The following INTS1 variants were observed in gnomAD, a reference collection of about 807,000 sequenced individuals.
The protein encoded by INTS1 is integrator complex subunit 1.
INTS1 carries 137 observed loss-of-function variants against 241.6 expected under a neutral mutation model. The observed-to-expected ratio is 0.57, with a 90% CI of 0.49 to 0.65. The LOEUF (loss-of-function observed/expected upper bound fraction) is 0.65. Among genes scored for constraint, INTS1 ranks in the 30% least tolerant of loss-of-function variants. The pLI is 0.00. For missense variants in INTS1, 3,073 were observed against 3,032.2 expected (o/e 1.01, Z -0.32); for synonymous variants, 1,692 against 1,337.8 (o/e 1.26, Z -5.78).
chr7:1,503,447 C>T (rs941546222), intron 2 of INTS1, among the ~76,000 whole-genome samples: 1 of 152,176 alleles, frequency 6.6e-6, no homozygotes, highest in Non-Finnish European at 1.5e-5. Context: ...TTAGTAACCC[C>T]CGCCCCGAGT....
rs748162075 is a variant in INTS1 at position 1,481,329 on chromosome 7, C to G, written c.3850+13G>C. 29 of 1,612,580 alleles carry G rather than the reference C, an allele frequency of 1.8e-5. No homozygotes were observed. The highest frequency in any genetic ancestry group is 2.5e-5 in the Non-Finnish European group (29 of 1,179,726). On this transcript the variant is annotated intron_variant, in intron 28 of 47. Transcript: ENST00000404767. This position sits in a 1 kb window ranked among gnomAD's most constrained non-coding sequence, Gnocchi z 6.8. ...CGTGTGTGAACCCACTCCGCAGGTC[C>G]CTGGCATCTTACTCTTGTCCATGAT...
At chr7:1,490,391 G>A (rs1782489893) in intron 16 of INTS1, among the ~76,000 whole-genome samples, 1 of 152,176 alleles carries the variant, frequency 6.6e-6, no homozygotes, top group African/African-American at 2.4e-5. Flanking sequence ...GGACACCCCT[G>A]AAAGGGTGTC....
chr7:1,490,901 C>G (rs1195575000), intron 16 of INTS1, among the ~76,000 whole-genome samples: 1 of 152,208 alleles, frequency 6.6e-6, no homozygotes, highest in Admixed American at 6.5e-5. Context: ...AGAGGTCAAC[C>G]CTCTCACCTA....
Position 1,480,822 on chromosome 7 carries a change from C to A in INTS1, c.3949+13G>T. On this transcript the variant is annotated intron_variant, in intron 29 of 47. Transcript: ENST00000404767. ...GGCTGGGTCTCTGTGCTGGCCCCACCCCTCCCCAGTACCTCGGCGGGGCGG... is the reference window on the plus strand; with the variant it reads ...GGCTGGGTCTCTGTGCTGGCCCCACACCTCCCCAGTACCTCGGCGGGGCGG... 6.5e-7 allele frequency: 1 copy of A among 1,546,436 alleles called. No homozygotes were observed. The highest frequency in any genetic ancestry group is 8.7e-7 in the Non-Finnish European group (1 of 1,144,780).
intron 43 of INTS1, 132 bp downstream of exon 43, chr7:1,472,940 G>T: frequency 1.7e-6 from 1 of 585,778 alleles, no homozygotes; most frequent in Non-Finnish European, 2.9e-6. Context: ...GGGCCAGCCA[G>T]CAAGGTCCCA....
rs769180230 is a variant in INTS1, at chr7:1,493,809, G to A, written c.2013C>T (p.Asp671=). Residue 671 remains aspartate (D), a synonymous_variant, in exon 15 of 48, where the codon GAC becomes GAT. Coordinates refer to ENST00000404767, the MANE Select transcript of INTS1 (RefSeq NM_001080453.3). This position sits in a 1 kb window ranked among gnomAD's most constrained non-coding sequence, Gnocchi z 5.3. The stretch of plus-strand genomic sequence containing the variant: ...CCAGGTGGTCAGCAAGCTCCATGGC[G>A]TCCGCAGGCCCGAGCGGGAGCTCCC... ...LSRELPLGPA[D]AMELADHLVK... 4.1e-5 allele frequency: 65 copies of A among 1,576,554 alleles called. No homozygotes were observed. Among genetic ancestry groups the A allele is most frequent in the East Asian group, 3.1e-4 (13 of 42,490 alleles).
At chr7:1,473,442 G>T in intron 42 of INTS1, 124 bp downstream of exon 42, 1 of 1,256,876 alleles carries the variant, frequency 8.0e-7, no homozygotes, top group Non-Finnish European at 1.1e-6. Context: ...ACCACGCTCA[G>T]CAGCCCTCCC....
chr7:1,471,694 C>T, intron 44 of INTS1, 53 bp from the exon 45 acceptor site: 1 of 1,556,772 alleles, frequency 6.4e-7, no homozygotes. Context: ...CAGACCTCTG[C>T]CCACCCCACC....
chr7:1,499,144 T>C lies in INTS1; in HGVS notation c.968A>G (p.Glu323Gly), dbSNP rs1020934578. 1 of 1,610,044 alleles carries C rather than the reference T, an allele frequency of 6.2e-7. No homozygotes were observed. The highest frequency in any genetic ancestry group is 1.3e-5 in the African/African-American group (1 of 74,922). The change falls in exon 8 of 48, where the codon GAG becomes GGG. Residue 323 changes from glutamate (E) to glycine (G), a missense_variant. Physicochemically the swap from Glu to Gly is moderately conservative, Grantham distance 98. Transcript: ENST00000404767. ...GTCCAGGACATACTCCTCCACGCTC[T>C]CCGCGAGCTCTTCGTACCTAGGCCA... is the stretch of plus-strand genomic sequence containing the variant. Reference protein sequence around the residue: ...QLMPRYEELAESVEEYVLDML... With the variant: ...QLMPRYEELAGSVEEYVLDML...
In INTS1 at chr7:1,498,704, C is replaced by A; in HGVS notation, c.1283+3G>T. 1.3e-6 allele frequency: 2 copies of A among 1,550,772 alleles called. No individual in the cohort carries two copies. Among genetic ancestry groups the A allele is most frequent in the Non-Finnish European group, 1.7e-6 (2 of 1,146,914 alleles). ...CCCCGCTCTGCCCCGGCTCGCCACG[C>A]ACCTGATGCACAGCATGAAGTGGTT... On this transcript the variant is annotated splice_donor_region_variant and intron_variant, in intron 9 of 47. Coordinates refer to ENST00000404767, the MANE Select transcript of INTS1 (RefSeq NM_001080453.3).
At chr7:1,486,233 G>C (rs1207438096) in intron 22 of INTS1, among the ~76,000 whole-genome samples, 1 of 151,586 alleles carries the variant, frequency 6.6e-6, no homozygotes, top group Non-Finnish European at 1.5e-5. Context: ...ACTGCCCCAG[G>C]CCTACTCATT....
rs1387633449 is a variant in INTS1, at chr7:1,481,919, G to T, written c.3704-431C>A. ...TGGGTGGGCGCTCCAGAGGGCCTAT[G>T]GTGGCACGGCGCAGTACACTTCCGA... On this transcript the variant is annotated intron_variant, in intron 27 of 47. Transcript: ENST00000404767. This position sits in a 1 kb window ranked among gnomAD's most constrained non-coding sequence, Gnocchi z 6.8. Among the ~76,000 whole-genome samples the T allele has an allele frequency of 1.3e-5, 2 of 152,150 alleles. No individual in the cohort carries two copies. Among genetic ancestry groups the T allele is most frequent in the Middle Eastern group, 3.2e-3 (1 of 316 alleles).
chr7:1,474,084 T>G, intron 41 of INTS1, 84 bp downstream of exon 41: 1 of 1,407,164 alleles, frequency 7.1e-7, no homozygotes, highest in Non-Finnish European at 9.4e-7. Context: ...GTCCTCCCAG[T>G]CCCTCCGCGA....
At position 1,477,753 on chromosome 7, in the gene INTS1, C is replaced by T; in HGVS notation, c.4814G>A (p.Ser1605Asn). The change falls in exon 34 of 48, where the codon AGC becomes AAC. Residue 1605 changes from serine to asparagine, a missense_variant and splice_region_variant. Coordinates refer to ENST00000404767, the MANE Select transcript of INTS1 (RefSeq NM_001080453.3). ...GGCCGTGTGCAGCACCCCAGCTCAC[C>T]TGCCACCGTCCGCACCCGGCTTCCC... ...AGGKPGADGG[S>N]LEAVRLGPSS... is the part of the protein sequence containing the mutation. The T allele has an allele frequency of 6.2e-7, 1 of 1,611,996 alleles. No homozygotes were observed. Among genetic ancestry groups the T allele is most frequent in the South Asian group, 1.1e-5 (1 of 91,036 alleles).
At position 1,481,479 on chromosome 7, in the gene INTS1, T is replaced by C; in HGVS notation, c.3713A>G (p.Asp1238Gly). The change falls in exon 28 of 48, where the codon GAC becomes GGC. Residue 1238 changes from aspartate to glycine, a missense_variant. Physicochemically the swap from Asp to Gly is moderately conservative, Grantham distance 94. Transcript: ENST00000404767. The surrounding 1 kb of genome is among the most constrained non-coding windows in gnomAD (Gnocchi z 6.8). ...CAGCAGCAGCTGCTGCGGCTCCAGG[T>C]CCTGCAGGGCTGAGGGTGCACGCGC... ...VLRLVDAALQ[D>G]LEPQQLLLFV... 1 of 1,609,394 alleles carries C rather than the reference T, an allele frequency of 6.2e-7. No homozygotes were observed.
At position 1,472,389 on chromosome 7, in the gene INTS1, G is replaced by A. The variant is rs1781514341; in HGVS notation, c.6071-3C>T. The A allele has an allele frequency of 1.3e-6, 2 of 1,534,972 alleles. No individual in the cohort carries two copies. The highest frequency in any genetic ancestry group is 1.2e-5 in the South Asian group (1 of 83,204). ...CAAGGAGCCGGCTGAGCTCTCCTCT[G>A]GAAGACAGTGGCAGTGCTGCAGGAG... is the stretch of plus-strand genomic sequence containing the variant. On this transcript the variant is annotated splice_polypyrimidine_tract_variant and splice_region_variant and intron_variant, in intron 43 of 47. Transcript: ENST00000404767.
intron 26 of INTS1, chr7:1,483,027 T>G: frequency 6.6e-6 from 2 of 302,200 alleles, no homozygotes. Flanking sequence ...TCCAGCTCTC[T>G]GGCTCCGCAA....
intron 16 of INTS1, among the ~76,000 whole-genome samples, chr7:1,490,377 A>G (rs1321909704): frequency 6.6e-6 from 1 of 152,182 alleles, no homozygotes; most frequent in East Asian, 1.9e-4. Context: ...ACCTCTGCAT[A>G]AAGGGACACC....
intron 41 of INTS1, 88 bp from the exon 42 acceptor site, chr7:1,473,781 G>A (rs1369150188): frequency 1.3e-6 from 2 of 1,526,856 alleles, no homozygotes; most frequent in Non-Finnish European, 1.8e-6. Context: ...AGAGCCTCAG[G>A]GCATGGACCC....
Sources: allele counts gnomAD v4.1 joint callset (sites outside exome capture counted in the v4.1 genomes callset), GRCh38; gene constraint gnomAD v4.1.1; non-coding constraint Gnocchi (gnomAD v3.1); transcripts MANE v1.5; gene names NCBI Gene and HGNC (gene_info 2026-07-23, HGNC 2026-07-21).